AMELX: variants seen among roughly 807,000 people sequenced by gnomAD.
AMELX encodes the protein amelogenin X-linked, also known as amelogenin, X isoform.
In AMELX, 9 loss-of-function variants were observed where a neutral mutation model predicts 15.8. The ratio of observed to expected loss-of-function variants is 0.57; its 90% CI spans 0.34 to 0.99. The LOEUF (loss-of-function observed/expected upper bound fraction) is 0.99. AMELX is among the 50% of genes least tolerant of loss of function. AMELX has a pLI of 0.02. For missense variants in AMELX, 107 were observed against 156.2 expected, an observed-to-expected ratio of 0.68 and a Z score of 1.68; for synonymous variants, 61 against 58.8, an observed-to-expected ratio of 1.04 and a Z score of -0.17.
Position 11,296,692 on chromosome X carries a change from C to T in AMELX, c.55-87C>T. 4 of 1,024,558 alleles carry T rather than the reference C, an allele frequency of 3.9e-6. No individual in the cohort carries two copies. In the Admixed American group the frequency reaches 9.1e-5, roughly 23 times the overall value. The allele number at this position is 1,024,558 out of a possible 1,213,427, so 84.4% of individuals were successfully genotyped here. ...CTCCTTTAATGTGAACAATTGCATA[C>T]TGACTTAATCTCTTCCTCTCTCTTC... On this transcript the variant is annotated intron_variant, in intron 2 of 5. Transcript: ENST00000380714.
Position 11,298,432 on chromosome X carries a change from G to A in AMELX, c.145-116G>A, listed in dbSNP as rs914939747. On this transcript the variant is annotated intron_variant, in intron 4 of 5. Coordinates refer to ENST00000380714, the MANE Select transcript of AMELX (RefSeq NM_001142.2). The stretch of plus-strand genomic sequence containing the variant: ...TCTGTGTACACAGTTACAAATTTTT[G>A]CAAAGGAAAAATGAATAAAATATTC... 3.0e-5 allele frequency: 35 copies of A among 1,148,665 alleles called. No homozygotes were observed. In the South Asian group the frequency reaches 5.0e-4, roughly 16 times the overall value. The allele number at this position is 1,148,665 out of a possible 1,213,427, so 94.7% of individuals were successfully genotyped here.
chrX:11,305,218 G>T (rs1183400111), downstream of AMELX, among the ~76,000 whole-genome samples: 1 of 111,064 alleles, frequency 9.0e-6, no homozygotes, highest in African/African-American at 3.3e-5. Flanking sequence ...AGTGGTAGGG[G>T]TGTTAAGGAG....
At chrX:11,302,277 GTAC>G (rs1345097549), downstream of AMELX, among the ~76,000 whole-genome samples, 4 of 112,025 alleles carry the variant, frequency 3.6e-5, no homozygotes, top group East Asian at 1.1e-3. Flanking sequence ...ATTGCTCTAT[GTAC>G]TACTTCTTGA....
Position 11,296,782 on chromosome X carries a change from C to T in AMELX, c.58C>T (p.Pro20Ser). Residue 20 changes from proline (P) to serine (S), a missense_variant, in exon 3 of 6, where the codon CCA becomes TCA. Physicochemically the swap from Pro to Ser is moderately conservative, Grantham distance 74. Coordinates refer to ENST00000380714, the MANE Select transcript of AMELX (RefSeq NM_001142.2). ...LLGAAFAMPL[P>S]PHPGHPGYIN... ...CCTCCCCTCCTCCCTGTAAAAGCTA[C>T]CACCTCATCCTGGGCACCCTGGTTA... 1 of 1,210,222 alleles carries T rather than the reference C, an allele frequency of 8.3e-7. No homozygotes were observed. Among genetic ancestry groups the T allele is most frequent in the East Asian group, 3.0e-5 (1 of 33,852 alleles).
chrX:11,294,700 A>G, intron 1 of AMELX, 77 bp from the exon 2 acceptor site: 2 of 1,007,061 alleles, frequency 2.0e-6, no homozygotes, highest in Non-Finnish European at 2.8e-6. Context: ...AATGTAGATT[A>G]TGTGTGTTTT....
chrX:11,300,564 C>T (rs1603043016), intron 5 of AMELX, 43 bp from the exon 6 acceptor site: 1 of 1,118,864 alleles, frequency 8.9e-7, no homozygotes, highest in Non-Finnish European at 1.2e-6. Flanking sequence ...TCACTAGGAA[C>T]ATTTGTAAAT....
At chrX:11,304,030 G>A (rs7888431), downstream of AMELX, among the ~76,000 whole-genome samples, 784 of 111,304 alleles carry the variant, frequency 7.0e-3, 6 homozygotes, top group African/African-American at 0.024. Context: ...AAGCAGGAGT[G>A]ATACAAAATT....
chrX:11,308,928 G>T, the AMELX span, among the ~76,000 whole-genome samples: 1 of 111,929 alleles, frequency 8.9e-6, no homozygotes, highest in Admixed American at 9.4e-5. Flanking sequence ...CTTGGCAATG[G>T]TATGTAATAT....
rs371530769 is a variant in AMELX at position 11,298,605 on chromosome X, G to A, written c.202G>A (p.Val68Met). The A allele has an allele frequency of 1.5e-5, 18 of 1,208,006 alleles. No homozygotes were observed. Among genetic ancestry groups the A allele is most frequent in the Admixed American group, 2.2e-5 (1 of 45,535 alleles). ...ATGGCTGCACCACCAAATCATCCCC[G>A]TGCTGTCCCAACAGCACCCCCCGAC... The part of the protein sequence containing the change: ...GGWLHHQIIP[V>M]LSQQHPPTHT... Residue 68 changes from valine to methionine, a missense_variant, in exon 5 of 6, where the codon GTG (valine) becomes ATG (methionine). Coordinates refer to ENST00000380714, the MANE Select transcript of AMELX (RefSeq NM_001142.2).
At chrX:11,305,584 G>C (rs2147589598), downstream of AMELX, among the ~76,000 whole-genome samples, 1 of 111,725 alleles carries the variant, frequency 9.0e-6, no homozygotes, top group South Asian at 3.8e-4. Context: ...ACCTCTGAAA[G>C]TGATTGTGTC....
At chrX:11,304,816 C>A (rs1255369947), downstream of AMELX, among the ~76,000 whole-genome samples, 2 of 66,646 alleles carry the variant, frequency 3.0e-5, no homozygotes, top group Non-Finnish European at 5.0e-5. Flanking sequence ...GAGATGGAGT[C>A]TCGCTCTGTC....
the AMELX span, among the ~76,000 whole-genome samples, chrX:11,309,314 G>A: frequency 7.2e-4 from 80 of 111,244 alleles, no homozygotes; most frequent in African/African-American, 2.6e-3. Context: ...TACTCCCCAC[G>A]CAGAGCCCCT....
chrX:11,308,783 A>G, the AMELX span, among the ~76,000 whole-genome samples: 1 of 112,522 alleles, frequency 8.9e-6, no homozygotes, highest in South Asian at 3.7e-4. Flanking sequence ...CAGTAACATT[A>G]TAAGCCAATG....
At chrX:11,298,148 A>G in intron 3 of AMELX, 88 bp from the exon 4 acceptor site, 1 of 1,209,700 alleles carries the variant, frequency 8.3e-7, no homozygotes, top group Non-Finnish European at 1.1e-6. Context: ...TGCATTAGTG[A>G]GTCTATATTT....
At chrX:11,293,643 C>G (rs1415256889) in intron 1 of AMELX, among the ~76,000 whole-genome samples, 175 bp downstream of exon 1, 4 of 111,910 alleles carry the variant, frequency 3.6e-5, no homozygotes, top group African/African-American at 1.3e-4. Flanking sequence ...TGATTTTTAA[C>G]TTTATAATGC....
chrX:11,307,850 C>G, the AMELX span, among the ~76,000 whole-genome samples: 1 of 111,560 alleles, frequency 9.0e-6, no homozygotes, highest in Non-Finnish European at 1.9e-5. Context: ...CTGCAATCAC[C>G]ACCACATTAG....
At chrX:11,298,184 T>A (rs767685604) in intron 3 of AMELX, 52 bp from the exon 4 acceptor site, 1 of 1,207,306 alleles carries the variant, frequency 8.3e-7, no homozygotes, top group Non-Finnish European at 1.1e-6. Flanking sequence ...AGTTTCTATA[T>A]TGGATGAAAG....
At chrX:11,300,946 TA>T (rs1025293591), downstream of AMELX, among the ~76,000 whole-genome samples, 40 of 112,158 alleles carry the variant, frequency 3.6e-4, no homozygotes, top group African/African-American at 1.3e-3. Flanking sequence ...AAATCTTTTT[TA>T]AAAAACAAAG....
the AMELX span, among the ~76,000 whole-genome samples, chrX:11,307,951 AATC>A: frequency 3.5e-5 from 4 of 112,872 alleles, no homozygotes; most frequent in African/African-American, 1.3e-4. Context: ...AACTGTAAAT[AATC>A]ATAATCTAAG....
Sources: gnomAD v4.1 joint callset for allele counts (sites outside exome capture counted in the v4.1 genomes callset) on GRCh38, gnomAD v4.1.1 for gene constraint, MANE v1.5 for transcripts, NCBI Gene and HGNC (gene_info 2026-07-23, HGNC 2026-07-21) for gene names.